NRK: variants seen among roughly 807,000 people sequenced by gnomAD.
NRK encodes the protein nik-related protein kinase.
Under a neutral mutation model 125.2 loss-of-function variants are expected in NRK, and 67 were observed. The ratio of observed to expected loss-of-function variants is 0.54; its 90% confidence interval spans 0.44 to 0.66. The LOEUF (loss-of-function observed/expected upper bound fraction) is 0.66, where lower values mean the gene tolerates loss of function less well. NRK is among the 30% of genes least tolerant of loss of function. NRK has a pLI of 0.00. For synonymous variants in NRK, 458 were observed against 429.0 expected, an observed-to-expected ratio of 1.07 and a Z score of -0.84; for missense variants, 1,224 against 1,192.9, an observed-to-expected ratio of 1.03 and a Z score of -0.38.
At chrX:105,885,145 A>G (rs983921207) in intron 4 of NRK, among the ~76,000 whole-genome samples, 2 of 112,241 alleles carry the variant, frequency 1.8e-5, no homozygotes, top group African/African-American at 6.5e-5. Context: ...AACAATAAGA[A>G]TATTTCTTAA....
intron 15 of NRK, among the ~76,000 whole-genome samples, chrX:105,916,711 T>G (rs920615824): frequency 4.5e-5 from 5 of 111,666 alleles, no homozygotes; most frequent in Admixed American, 3.8e-4. Context: ...ATGGTCGAAC[T>G]GACCTCAAAG....
intron 10 of NRK, 91 bp downstream of exon 10, chrX:105,905,434 C>T: frequency 1.6e-6 from 1 of 641,129 alleles, no homozygotes; most frequent in Non-Finnish European, 2.5e-6. Flanking sequence ...AGTCCTGCTG[C>T]ACCATCCTGG....
chrX:105,932,023 C>T (rs970531251), intron 19 of NRK, among the ~76,000 whole-genome samples: 1 of 110,953 alleles, frequency 9.0e-6, no homozygotes. Flanking sequence ...TCCTCTAACC[C>T]CTGATAACCT....
intron 2 of NRK, among the ~76,000 whole-genome samples, chrX:105,849,193 C>T (rs542126452): frequency 4.5e-5 from 5 of 111,459 alleles, no homozygotes; most frequent in East Asian, 2.8e-4. Context: ...TGCATGGTGG[C>T]GGCAAGAGAA....
At chrX:105,845,351 G>A (rs2039386818) in intron 2 of NRK, among the ~76,000 whole-genome samples, 2 of 111,098 alleles carry the variant, frequency 1.8e-5, no homozygotes, top group Non-Finnish European at 3.8e-5. Flanking sequence ...TTATATTCCA[G>A]GGCCCTGATG....
At chrX:105,925,132 A>C (rs2040506751) in intron 19 of NRK, 101 bp downstream of exon 19, 1 of 615,649 alleles carries the variant, frequency 1.6e-6, no homozygotes, top group Admixed American at 3.4e-5. Context: ...GATTTTCATC[A>C]TATACCCCAA....
intron 26 of NRK, chrX:105,948,547 GT>G (rs1423978106): frequency 7.1e-6 from 3 of 421,070 alleles, no homozygotes; most frequent in Non-Finnish European, 1.2e-5. Flanking sequence ...CAGCAGTCCA[GT>G]TTTTTTCTAA....
At chrX:105,855,580 T>A (rs2039522048) in intron 2 of NRK, among the ~76,000 whole-genome samples, 1 of 111,694 alleles carries the variant, frequency 9.0e-6, no homozygotes, top group Non-Finnish European at 1.9e-5. Flanking sequence ...GATGGTCTCA[T>A]AAATGATTCT....
rs1602715334 is a variant in NRK at position 105,957,125 on chromosome X, G to C, written c.*1525G>C. 8.9e-6 allele frequency: 1 copy of C among 112,334 alleles called. No homozygotes were observed. Among genetic ancestry groups the C allele is most frequent in the East Asian group, 2.8e-4 (1 of 3,561 alleles). 9.3% of individuals were successfully genotyped at this position (112,334 alleles called of 1,213,427 possible). On this transcript the variant is annotated 3_prime_UTR_variant, in exon 29 of 29. Coordinates refer to ENST00000243300, the MANE Select transcript of NRK (RefSeq NM_198465.4). ...CAACTTACATCAAGAATGTAGTGTA[G>C]CTCATTATTGAGAATTTAGGAAAGC...
At chrX:105,831,404 A>G (rs773375649) in intron 2 of NRK, among the ~76,000 whole-genome samples, 75 of 112,406 alleles carry the variant, frequency 6.7e-4, no homozygotes, top group Middle Eastern at 9.3e-3. Context: ...ATATACCCAA[A>G]TAAGATATCA....
intron 14 of NRK, among the ~76,000 whole-genome samples, chrX:105,914,228 T>G (rs2040337065): frequency 9.0e-6 from 1 of 110,836 alleles, no homozygotes; most frequent in Non-Finnish European, 1.9e-5. Flanking sequence ...CCCCTAATAC[T>G]AACAGTCCTC....
Position 105,908,841 on chromosome X carries a change from G to C in NRK, c.1200G>C (p.Glu400Asp). 8.3e-7 allele frequency: 1 copy of C among 1,210,403 alleles called. No homozygotes were observed. Among genetic ancestry groups the C allele is most frequent in the African/African-American group, 1.7e-5 (1 of 57,736 alleles). Residue 400 changes from glutamate to aspartate, a missense_variant, in exon 13 of 29, where the codon GAG becomes GAC. Transcript: ENST00000243300. ...SQPRWLPDRE[E>D]PQVQALQQLQ... ...CAAGGTGGCTACCTGATCGAGAAGA[G>C]CCACAGGTCCAGGCACTTCAGCAGC...
At chrX:105,863,199 T>C in intron 2 of NRK, among the ~76,000 whole-genome samples, 1 of 111,479 alleles carries the variant, frequency 9.0e-6, no homozygotes, top group Non-Finnish European at 1.9e-5. Flanking sequence ...ATGCTGAAGT[T>C]GCAGAAGGTA....
At chrX:105,918,068 T>A (rs1013143563) in intron 16 of NRK, among the ~76,000 whole-genome samples, 1 of 110,847 alleles carries the variant, frequency 9.0e-6, no homozygotes, top group Non-Finnish European at 1.9e-5. Context: ...TGTGTTTCAT[T>A]TATCAGTTGG....
At chrX:105,947,463 A>G (rs1310423672) in intron 26 of NRK, among the ~76,000 whole-genome samples, 1 of 56,581 alleles carries the variant, frequency 1.8e-5, no homozygotes, top group South Asian at 6.6e-4. Context: ...AAAAAAAAAA[A>G]GAAAGAAATA....
intron 2 of NRK, among the ~76,000 whole-genome samples, chrX:105,831,564 CAAG>C (rs1569286352): frequency 8.9e-6 from 1 of 111,910 alleles, no homozygotes; most frequent in African/African-American, 3.2e-5. Flanking sequence ...AAGAATCTAA[CAAG>C]AAAAAATCTG....
At chrX:105,944,990 T>G (rs1185943118) in intron 24 of NRK, among the ~76,000 whole-genome samples, 1 of 112,215 alleles carries the variant, frequency 8.9e-6, no homozygotes, top group African/African-American at 3.2e-5. Flanking sequence ...GTAACTTACT[T>G]ATAATGCTCC....
At chrX:105,942,574 CT>C (rs2040757163) in intron 23 of NRK, among the ~76,000 whole-genome samples, 1 of 111,318 alleles carries the variant, frequency 9.0e-6, no homozygotes, top group African/African-American at 3.3e-5. Context: ...TTTGCTTATC[CT>C]TTTGCTGTTG....
At chrX:105,904,368 T>C (rs558508673) in intron 9 of NRK, among the ~76,000 whole-genome samples, 29 of 111,830 alleles carry the variant, frequency 2.6e-4, no homozygotes, top group Admixed American at 6.7e-4. Flanking sequence ...AGGTTTTTAT[T>C]TTTATGCCTG....
Sources: gnomAD v4.1 joint callset for allele counts (sites outside exome capture counted in the v4.1 genomes callset) on GRCh38, gnomAD v4.1.1 for gene constraint, MANE v1.5 for transcripts, NCBI Gene and HGNC (gene_info 2026-07-23, HGNC 2026-07-21) for gene names.